The following PEX5L variants were observed in gnomAD, a reference collection of about 807,000 sequenced individuals.
The protein encoded by PEX5L is PEX5-related protein.
Under a neutral mutation model 84.0 loss-of-function variants are expected in PEX5L, and 30 were observed. The ratio of observed to expected loss-of-function variants is 0.36; its 90% CI spans 0.27 to 0.48. PEX5L has a LOEUF of 0.48. PEX5L is among the 20% of genes least tolerant of loss of function. The probability of loss-of-function intolerance (pLI) is 0.99; values close to 1 mark genes in which losing one functional copy is unlikely to be tolerated. For synonymous variants in PEX5L, 270 were observed against 283.1 expected, an observed-to-expected ratio of 0.95 and a Z score of 0.46; for missense variants, 533 against 754.6, an observed-to-expected ratio of 0.71 and a Z score of 3.44.
At chr3:179,974,640 T>G (rs947906907) in intron 1 of PEX5L, among the ~76,000 whole-genome samples, 6 of 152,342 alleles carry the variant, frequency 3.9e-5, no homozygotes, top group Non-Finnish European at 8.8e-5. Context: ...CACACCATTC[T>G]GAATCCTTTC....
intron 2 of PEX5L, among the ~76,000 whole-genome samples, chr3:179,931,062 A>C (rs1772961287): frequency 6.6e-6 from 1 of 152,212 alleles, no homozygotes; most frequent in African/African-American, 2.4e-5. Flanking sequence ...ACACACATAC[A>C]CAAACCCACT....
intron 1 of PEX5L, among the ~76,000 whole-genome samples, chr3:180,010,154 C>G (rs927657859): frequency 6.6e-6 from 1 of 151,766 alleles, no homozygotes; most frequent in African/African-American, 2.4e-5. Context: ...ACCATGTTAG[C>G]CAGGATGGTC....
intron 2 of PEX5L, among the ~76,000 whole-genome samples, chr3:179,904,001 T>C (rs1419907431): frequency 6.6e-6 from 1 of 152,242 alleles, no homozygotes; most frequent in Non-Finnish European, 1.5e-5. Flanking sequence ...GAGATTCATA[T>C]GTGGAATTTA....
At chr3:179,849,430 A>C (rs1740920428) in intron 8 of PEX5L, among the ~76,000 whole-genome samples, 1 of 152,250 alleles carries the variant, frequency 6.6e-6, no homozygotes. Context: ...TTTAATTTCA[A>C]CCACGCATTT....
At chr3:179,986,914 T>C (rs2110353106) in intron 1 of PEX5L, among the ~76,000 whole-genome samples, 1 of 152,246 alleles carries the variant, frequency 6.6e-6, no homozygotes, top group Non-Finnish European at 1.5e-5. Flanking sequence ...TATCAAAAGG[T>C]CAACAGCTCT....
chr3:179,795,697 C>T lies in PEX5L; in HGVS notation c.*6131G>A, dbSNP rs1207810496. On this transcript the variant is annotated 3_prime_UTR_variant, in exon 15 of 15. Transcript: ENST00000467460. ...CTATTTCAGCCTGAAAATGAAATCC[C>T]AAGACTTTAAACATTTATGAGCATG... The T allele has an allele frequency of 6.6e-6, 1 of 152,066 alleles. No homozygotes were observed. Among genetic ancestry groups the T allele is most frequent in the East Asian group, 1.9e-4 (1 of 5,180 alleles). The allele number at this position is 152,066 out of a possible 1,614,324, so 9.4% of individuals were successfully genotyped here.
intron 1 of PEX5L, chr3:179,973,498 T>C (rs768837040): frequency 6.2e-5 from 60 of 960,254 alleles, no homozygotes; most frequent in Non-Finnish European, 7.1e-5. Context: ...GTTGTTCCCA[T>C]TTAATGTTTT....
intron 2 of PEX5L, among the ~76,000 whole-genome samples, chr3:179,899,305 G>C (rs924251778): frequency 1.3e-5 from 2 of 152,036 alleles, no homozygotes; most frequent in African/African-American, 4.8e-5. Flanking sequence ...TCAGGTCTCT[G>C]GGTAAAGCCT....
intron 2 of PEX5L, among the ~76,000 whole-genome samples, chr3:179,961,076 T>C (rs528175194): frequency 2.9e-5 from 2 of 69,394 alleles, no homozygotes; most frequent in South Asian, 6.2e-4. Flanking sequence ...GATGGTACAT[T>C]CTCTCACCAT....
intron 1 of PEX5L, among the ~76,000 whole-genome samples, chr3:180,007,889 G>A (rs1789068952): frequency 6.6e-6 from 1 of 152,178 alleles, no homozygotes; most frequent in Admixed American, 6.5e-5. Flanking sequence ...TTTTCTTCCT[G>A]GGCCTCTGGG....
intron 1 of PEX5L, among the ~76,000 whole-genome samples, chr3:180,011,498 T>C (rs1310883435): frequency 6.6e-6 from 1 of 152,200 alleles, no homozygotes; most frequent in Non-Finnish European, 1.5e-5. Flanking sequence ...ACTTGATCAT[T>C]CAGAAGTTGC....
Position 179,819,986 on chromosome 3 carries a change from A to G in PEX5L, c.823-10T>C. The G allele has an allele frequency of 6.2e-7, 1 of 1,613,146 alleles. No individual in the cohort carries two copies. The highest frequency in any genetic ancestry group is 8.5e-7 in the Non-Finnish European group (1 of 1,179,200). On this transcript the variant is annotated splice_polypyrimidine_tract_variant and intron_variant, in intron 8 of 14. Transcript: ENST00000467460. ...AAAACTCTGTATCTGACTGGGAGACAGGAAAAATGAATGGAGATGGATTTA... is the reference window on the plus strand; with the variant it reads ...AAAACTCTGTATCTGACTGGGAGACGGGAAAAATGAATGGAGATGGATTTA...
intron 2 of PEX5L, among the ~76,000 whole-genome samples, chr3:179,913,646 T>C (rs1429689877): frequency 6.6e-6 from 1 of 152,194 alleles, no homozygotes; most frequent in Admixed American, 6.5e-5. Context: ...TCTTAGAGAA[T>C]ATTTAATTGG....
intron 7 of PEX5L, among the ~76,000 whole-genome samples, chr3:179,863,932 G>T (rs1747197922): frequency 6.6e-6 from 1 of 152,066 alleles, no homozygotes; most frequent in Non-Finnish European, 1.5e-5. Flanking sequence ...ATGGGGGCAG[G>T]TCTTTCCTGT....
At chr3:179,918,351 C>T (rs754792374) in intron 2 of PEX5L, among the ~76,000 whole-genome samples, 7 of 152,156 alleles carry the variant, frequency 4.6e-5, no homozygotes, top group Non-Finnish European at 1.0e-4. Flanking sequence ...ATATAGGTCA[C>T]ACATTTGGTG....
At chr3:179,957,760 A>G (rs1780947634) in intron 2 of PEX5L, among the ~76,000 whole-genome samples, 1 of 151,856 alleles carries the variant, frequency 6.6e-6, no homozygotes, top group Non-Finnish European at 1.5e-5. Context: ...GATTTAATTT[A>G]TCATACGTAG....
intron 7 of PEX5L, among the ~76,000 whole-genome samples, chr3:179,873,297 A>G (rs923762505): frequency 7.9e-5 from 12 of 152,186 alleles, no homozygotes; most frequent in African/African-American, 2.9e-4. Context: ...TGCTATTATT[A>G]TAATTATTTG....
At position 179,799,993 on chromosome 3, in the gene PEX5L, A is replaced by G. The variant is rs1560127267; in HGVS notation, c.*1835T>C. 6.6e-6 allele frequency: 1 copy of G among 152,232 alleles called. No homozygotes were observed. Among genetic ancestry groups the G allele is most frequent in the Non-Finnish European group, 1.5e-5 (1 of 68,064 alleles). 9.4% of individuals were successfully genotyped at this position (152,232 alleles called of 1,614,324 possible). On this transcript the variant is annotated 3_prime_UTR_variant, in exon 15 of 15. Coordinates refer to ENST00000467460, the MANE Select transcript of PEX5L (RefSeq NM_016559.3). ...GCCCAAGTCAACTTTGACAATGACT[A>G]TCAAAACCTGGCACTCCTCACAGTG...
intron 8 of PEX5L, among the ~76,000 whole-genome samples, chr3:179,848,396 C>A (rs1233886490): frequency 1.3e-5 from 2 of 151,550 alleles, no homozygotes; most frequent in East Asian, 3.9e-4. Context: ...ACAAAAAATA[C>A]AAAAATTAGC....
Sources: gnomAD v4.1 joint callset for allele counts (sites outside exome capture counted in the v4.1 genomes callset) on GRCh38, gnomAD v4.1.1 for gene constraint, MANE v1.5 for transcripts, NCBI Gene and HGNC (gene_info 2026-07-23, HGNC 2026-07-21) for gene names.